CEP112: variants seen among roughly 807,000 people sequenced by gnomAD.
The protein encoded by CEP112 is centrosomal protein of 112 kDa.
A neutral mutation model predicts 153.0 loss-of-function variants in CEP112; 127 were observed. That is an observed-to-expected ratio of 0.83 (90% CI 0.72 to 0.96). The LOEUF is 0.96. Ranked by LOEUF, CEP112 falls within the 40% of genes least tolerant of loss-of-function variation. The probability of loss-of-function intolerance (pLI) is 0.00; values close to 1 mark genes in which losing one functional copy is unlikely to be tolerated. For missense variants in CEP112, 1,089 were observed against 1,101.2 expected (o/e 0.99, Z 0.16); for synonymous variants, 358 against 374.4 (o/e 0.96, Z 0.51).
chr17:65,848,885 C>G (rs2057821439), intron 21 of CEP112, among the ~76,000 whole-genome samples: 1 of 152,190 alleles, frequency 6.6e-6, no homozygotes, highest in South Asian at 2.1e-4. Context: ...ACTGCCTTCT[C>G]ACGCACATCT....
chr17:66,127,760 A>G (rs539190544), intron 6 of CEP112, among the ~76,000 whole-genome samples: 4 of 152,262 alleles, frequency 2.6e-5, no homozygotes, highest in Middle Eastern at 3.4e-3. Flanking sequence ...GCCTTGAACT[A>G]TCCCATTTAA....
intron 1 of CEP112, among the ~76,000 whole-genome samples, chr17:66,184,358 C>T (rs1032238163): frequency 1.3e-5 from 2 of 152,054 alleles, no homozygotes; most frequent in Non-Finnish European, 2.9e-5. Context: ...CAGACCAGAA[C>T]AAAATATTTG....
At chr17:65,707,083 C>T (rs1311700602) in intron 23 of CEP112, among the ~76,000 whole-genome samples, 2 of 152,164 alleles carry the variant, frequency 1.3e-5, no homozygotes, top group Admixed American at 1.3e-4. Context: ...TACTGACATT[C>T]TCTGATTATA....
intron 21 of CEP112, among the ~76,000 whole-genome samples, chr17:65,849,332 T>C (rs1382578532): frequency 6.6e-6 from 1 of 152,230 alleles, no homozygotes; most frequent in Non-Finnish European, 1.5e-5. Flanking sequence ...AAATTCACAC[T>C]GTCTTGCATT....
intron 4 of CEP112, among the ~76,000 whole-genome samples, chr17:66,168,837 A>G (rs2072113344): frequency 1.3e-5 from 2 of 152,094 alleles, no homozygotes; most frequent in Non-Finnish European, 2.9e-5. Context: ...TTTCTGTCCA[A>G]TAGGGAACAT....
At position 65,887,867 on chromosome 17, in the gene CEP112, G is replaced by C. The variant is rs138717977; in HGVS notation, c.2163+14285C>G. Among the ~76,000 whole-genome samples, 345 of 152,278 alleles carry C rather than the reference G, an allele frequency of 2.3e-3. 1 individual carries two copies. Among genetic ancestry groups the C allele is most frequent in the African/African-American group, 7.9e-3 (330 of 41,556 alleles). ...GGTTTACCTTCCTCATGGAGGGGGT[G>C]TTTCCTCTTTCAGGTCTCTATGTGA... On this transcript the variant is annotated intron_variant, in intron 20 of 26. Coordinates refer to ENST00000535342, the MANE Select transcript of CEP112 (RefSeq NM_001199165.4).
intron 17 of CEP112, among the ~76,000 whole-genome samples, chr17:65,976,454 G>A (rs867119373): frequency 5.3e-5 from 8 of 151,980 alleles, no homozygotes; most frequent in Middle Eastern, 3.4e-3. Context: ...TATAACTACA[G>A]AAAAAACCTG....
intron 18 of CEP112, among the ~76,000 whole-genome samples, chr17:65,938,242 C>CA (rs2061410833): frequency 7.1e-6 from 1 of 141,354 alleles, no homozygotes; most frequent in South Asian, 2.8e-4. Flanking sequence ...GAGTCATCAC[C>CA]ACTCCCTAAT....
At chr17:66,046,479 T>A (rs765534978) in intron 12 of CEP112, among the ~76,000 whole-genome samples, 1 of 152,240 alleles carries the variant, frequency 6.6e-6, no homozygotes, top group Non-Finnish European at 1.5e-5. Flanking sequence ...GGATCTTCCA[T>A]GAGCATATTA....
At chr17:65,748,977 C>T (rs192728888) in intron 22 of CEP112, among the ~76,000 whole-genome samples, 13 of 152,224 alleles carry the variant, frequency 8.5e-5, no homozygotes, top group Non-Finnish European at 8.8e-5. Context: ...TTAGGATATG[C>T]CAACTGGGGA....
intron 21 of CEP112, among the ~76,000 whole-genome samples, chr17:65,828,053 A>G (rs185282917): frequency 1.3e-5 from 2 of 152,334 alleles, no homozygotes; most frequent in Admixed American, 1.3e-4. Context: ...ATGGCTAACA[A>G]TGTATCTCTC....
At chr17:66,061,634 C>T (rs2066923869) in intron 11 of CEP112, among the ~76,000 whole-genome samples, 1 of 151,690 alleles carries the variant, frequency 6.6e-6, no homozygotes, top group Non-Finnish European at 1.5e-5. Context: ...TGAAATCCTG[C>T]CATTTGCAAC....
chr17:65,891,731 T>C (rs2059473492), intron 20 of CEP112, among the ~76,000 whole-genome samples: 1 of 152,208 alleles, frequency 6.6e-6, no homozygotes, highest in Admixed American at 6.5e-5. Context: ...AAGCCCTGTG[T>C]CTGCTACTCC....
At chr17:65,660,379 C>T (rs1454324553) in intron 24 of CEP112, among the ~76,000 whole-genome samples, 1 of 128,702 alleles carries the variant, frequency 7.8e-6, no homozygotes, top group Non-Finnish European at 1.6e-5. Context: ...CCCTTCCTTC[C>T]TTCCTTCCTC....
chr17:65,887,381 G>C (rs191989151), intron 20 of CEP112, among the ~76,000 whole-genome samples: 5 of 152,298 alleles, frequency 3.3e-5, no homozygotes, highest in Admixed American at 3.3e-4. Flanking sequence ...GCCATTTTCT[G>C]ATTGAAAATG....
At chr17:65,692,898 A>G (rs1339889876) in intron 23 of CEP112, among the ~76,000 whole-genome samples, 1 of 152,114 alleles carries the variant, frequency 6.6e-6, no homozygotes, top group African/African-American at 2.4e-5. Flanking sequence ...TACTCCCTAA[A>G]GATATTTACT....
chr17:66,159,378 C>T (rs1003946198), intron 4 of CEP112, among the ~76,000 whole-genome samples: 2 of 152,188 alleles, frequency 1.3e-5, no homozygotes, highest in South Asian at 2.1e-4. Context: ...GATACCAAAA[C>T]CTGGCAGAGA....
In CEP112 at chr17:66,016,277, T is replaced by G. The variant is rs529948999; in HGVS notation, c.1657-10508A>C. 4.6e-5 allele frequency among the ~76,000 whole-genome samples: 7 copies of G among 152,284 alleles called. No individual in the cohort carries two copies. The East Asian group carries it at 1.4e-3, about 29-fold the overall frequency. ...CTACAATGCTTTCCCACAGACTCCA[T>G]TTTGGTTCTGTTCTCCTACTCATTC... On this transcript the variant is annotated intron_variant, in intron 16 of 26. Coordinates refer to ENST00000535342, the MANE Select transcript of CEP112 (RefSeq NM_001199165.4).
intron 4 of CEP112, among the ~76,000 whole-genome samples, chr17:66,139,554 G>A (rs1263679600): frequency 6.6e-6 from 1 of 152,130 alleles, no homozygotes; most frequent in Middle Eastern, 3.2e-3. Context: ...GCGGCAGTGA[G>A]CAGTGATTGC....
Sources: allele counts gnomAD v4.1 joint callset (sites outside exome capture counted in the v4.1 genomes callset), GRCh38; gene constraint gnomAD v4.1.1; transcripts MANE v1.5; gene names NCBI Gene and HGNC (gene_info 2026-07-23, HGNC 2026-07-21).